The following ANKRD30A variants were observed in gnomAD, a reference collection of about 807,000 sequenced individuals.
ANKRD30A encodes ankyrin repeat domain 30A.
Under a neutral mutation model 166.3 loss-of-function variants are expected in ANKRD30A, and 170 were observed. The observed-to-expected ratio is 1.02, with a 90% confidence interval of 0.90 to 1.16. The LOEUF is 1.16. Ranked by LOEUF, ANKRD30A falls within the 50% of genes most tolerant of loss-of-function variation. The pLI, the probability that ANKRD30A is intolerant of heterozygous loss-of-function variation, is 0.00. For synonymous variants in ANKRD30A, 564 were observed against 508.9 expected (o/e 1.11, Z -1.46); for missense variants, 1,630 against 1,518.0 (o/e 1.07, Z -1.23).
At chr10:37,243,069 T>C in the ANKRD30A span, among the ~76,000 whole-genome samples, 1,516 of 152,270 alleles carry the variant, frequency 1.0e-2, 34 homozygotes, top group East Asian at 0.094. Context: ...ATAAATATTT[T>C]TGTTTGCTAT....
intron 15 of ANKRD30A, among the ~76,000 whole-genome samples, chr10:37,160,977 G>T (rs1015492879): frequency 6.6e-6 from 1 of 152,108 alleles, no homozygotes; most frequent in African/African-American, 2.4e-5. Flanking sequence ...ATGGTGACTG[G>T]GTGCGGTGGC....
chr10:37,193,813 G>T (rs1019951121), intron 27 of ANKRD30A, among the ~76,000 whole-genome samples: 2 of 152,142 alleles, frequency 1.3e-5, no homozygotes, highest in African/African-American at 2.4e-5. Context: ...TTTGGCCTTG[G>T]TGTCTTTTAA....
Position 37,152,122 on chromosome 10 carries a change from G to A in ANKRD30A, c.1707+1G>A. 3.1e-6 allele frequency: 5 copies of A among 1,602,290 alleles called. No homozygotes were observed. The highest frequency in any genetic ancestry group is 4.3e-6 in the Non-Finnish European group (5 of 1,171,418). The stretch of plus-strand genomic sequence containing the variant: ...TGAAGAAAATTCTTGGGATTCTGAG[G>A]TACTATGTGTTATTGATTTTTTTTT... On this transcript the variant is annotated splice_donor_variant, in intron 12 of 35. Transcript: ENST00000361713. LOFTEE classifies it high-confidence loss of function.
chr10:37,166,665 G>A lies in ANKRD30A; in HGVS notation c.2125G>A (p.Glu709Lys), dbSNP rs1180165839. The A allele has an allele frequency of 4.4e-6, 7 of 1,594,578 alleles. No individual in the cohort carries two copies. In the South Asian group the frequency reaches 7.9e-5, roughly 18 times the overall value. ...VCLPKAAHQK[E>K]IDKINGKLEG... ...TTTACCCAAGGCTGCGCATCAAAAA[G>A]AAATAGATAAAATAAATGGAAAATT... Residue 709 changes from glutamate (E) to lysine (K), a missense_variant, in exon 19 of 36, where the codon GAA becomes AAA. By Grantham distance (56) the Glu-to-Lys change is moderately conservative (BLOSUM62 1). Coordinates refer to ENST00000361713, the MANE Select transcript of ANKRD30A (RefSeq NM_052997.3).
intron 30 of ANKRD30A, among the ~76,000 whole-genome samples, chr10:37,200,675 A>G (rs1330808881): frequency 6.6e-6 from 1 of 152,110 alleles, no homozygotes; most frequent in African/African-American, 2.4e-5. Context: ...TTTTATCACC[A>G]TAAATTTTGT....
chr10:37,134,163 T>G, intron 5 of ANKRD30A, 110 bp downstream of exon 5: 1 of 1,290,020 alleles, frequency 7.8e-7, no homozygotes, highest in East Asian at 2.3e-5. Flanking sequence ...AAAGCTAGAC[T>G]AGTTAGAAGG....
At chr10:37,171,759 T>C (rs1839582457) in intron 21 of ANKRD30A, among the ~76,000 whole-genome samples, 1 of 150,826 alleles carries the variant, frequency 6.6e-6, no homozygotes, top group African/African-American at 2.4e-5. Context: ...ATGAAAAGAG[T>C]TGGTTACAGA....
intron 24 of ANKRD30A, among the ~76,000 whole-genome samples, chr10:37,183,203 TC>T (rs1840152214): frequency 6.7e-6 from 1 of 149,046 alleles, no homozygotes; most frequent in Non-Finnish European, 1.5e-5. Flanking sequence ...AGTCCTACTT[TC>T]CAATACGCAT....
At chr10:37,171,884 CTG>C (rs1254181406) in intron 21 of ANKRD30A, among the ~76,000 whole-genome samples, 3 of 145,206 alleles carry the variant, frequency 2.1e-5, no homozygotes, top group Non-Finnish European at 4.6e-5. Context: ...CTCATATAAA[CTG>C]TGAAAATTCT....
chr10:37,207,614 A>G (rs1174431971), intron 31 of ANKRD30A, among the ~76,000 whole-genome samples: 3 of 151,776 alleles, frequency 2.0e-5, no homozygotes, highest in Non-Finnish European at 4.4e-5. Flanking sequence ...AAATTAGGTC[A>G]CTTATGGCTA....
At chr10:37,258,789 C>A in the ANKRD30A span, among the ~76,000 whole-genome samples, 1 of 151,180 alleles carries the variant, frequency 6.6e-6, no homozygotes, top group South Asian at 2.1e-4. Flanking sequence ...AGGTGAAACC[C>A]CTACTCTACT....
intron 1 of ANKRD30A, 21 bp downstream of exon 1, chr10:37,126,029 C>A: frequency 6.2e-6 from 8 of 1,285,628 alleles, no homozygotes; most frequent in Non-Finnish European, 8.4e-6. Flanking sequence ...CTGCCTGAGC[C>A]GGGGCTGCAG....
downstream of ANKRD30A, among the ~76,000 whole-genome samples, chr10:37,236,385 C>G (rs1343103648): frequency 6.6e-6 from 1 of 152,162 alleles, no homozygotes; most frequent in Admixed American, 6.5e-5. Context: ...CACACAGTTG[C>G]AGTTGAAAGA....
At chr10:37,261,507 A>C in the ANKRD30A span, among the ~76,000 whole-genome samples, 6 of 152,210 alleles carry the variant, frequency 3.9e-5, no homozygotes, top group African/African-American at 1.4e-4. Flanking sequence ...TGAACACTTG[A>C]AAAAAGGTTC....
chr10:37,191,489 G>A (rs1169479794), intron 25 of ANKRD30A, among the ~76,000 whole-genome samples: 1 of 151,828 alleles, frequency 6.6e-6, no homozygotes, highest in African/African-American at 2.4e-5. Context: ...AAGACACATG[G>A]TGTAGCATTC....
At position 37,198,666 on chromosome 10, in the gene ANKRD30A, G is replaced by A. The variant is rs532535397; in HGVS notation, c.2717-1061G>A. Among the ~76,000 whole-genome samples, 10 of 152,086 alleles carry A rather than the reference G, an allele frequency of 6.6e-5. No homozygotes were observed. In the South Asian group the frequency reaches 2.1e-3, roughly 32 times the overall value. On this transcript the variant is annotated intron_variant, in intron 29 of 35. Coordinates refer to ENST00000361713, the MANE Select transcript of ANKRD30A (RefSeq NM_052997.3). ...CTTCCAAAAATGAGTGAAAACGGTG[G>A]CTTACCAAAGTATGATTTAAGTTTC...
chr10:37,164,987 CAG>C, intron 17 of ANKRD30A, 105 bp from the exon 18 acceptor site: 1 of 1,214,342 alleles, frequency 8.2e-7, no homozygotes, highest in Non-Finnish European at 1.2e-6. Flanking sequence ...ATATGGGCCA[CAG>C]AGGAAAATCC....
chr10:37,235,716 G>A (rs938414643), downstream of ANKRD30A, among the ~76,000 whole-genome samples: 4 of 143,980 alleles, frequency 2.8e-5, no homozygotes, highest in Non-Finnish European at 6.1e-5. Context: ...AGTGAATATT[G>A]TATTTGTTGG....
In ANKRD30A at chr10:37,162,601, C is replaced by CA. The variant is rs779990197; in HGVS notation, c.1901-48_1901-47insA. 2.5e-6 allele frequency: 4 copies of CA among 1,605,646 alleles called. No individual in the cohort carries two copies. The African/African-American group carries it at 4.0e-5, about 16-fold the overall frequency. ...TATCACGGCATTCATTTGTGGTTGG[C>CA]TTGTCATATTTACATATGATTGATG... On this transcript the variant is annotated intron_variant, in intron 15 of 35. Coordinates refer to ENST00000361713, the MANE Select transcript of ANKRD30A (RefSeq NM_052997.3).
Sources: allele counts gnomAD v4.1 joint callset (sites outside exome capture counted in the v4.1 genomes callset), GRCh38; gene constraint gnomAD v4.1.1; transcripts MANE v1.5; gene names NCBI Gene and HGNC (gene_info 2026-07-23, HGNC 2026-07-21).